CBLN2: variants seen among roughly 807,000 people sequenced by gnomAD.
The protein encoded by CBLN2 is cerebellin-2.
In CBLN2, 7 loss-of-function variants were observed where a neutral mutation model predicts 15.0. The observed-to-expected ratio is 0.47, with a 90% CI of 0.27 to 0.88. The LOEUF is 0.88. CBLN2 is among the 40% of genes least tolerant of loss of function. The probability of loss-of-function intolerance (pLI) is 0.14; values close to 1 mark genes in which losing one functional copy is unlikely to be tolerated. For synonymous variants in CBLN2, 149 were observed against 135.2 expected (o/e 1.10, Z -0.71); for missense variants, 242 against 304.5 (o/e 0.79, Z 1.53).
intron 1 of CBLN2, among the ~76,000 whole-genome samples, chr18:72,572,547 A>G (rs1328652145): frequency 6.6e-6 from 1 of 152,204 alleles, no homozygotes. Flanking sequence ...TGTCCATGGC[A>G]GTAATCAACA....
Position 72,542,147 on chromosome 18 carries a change from C to T in CBLN2, c.14G>A (p.Gly5Asp). Residue 5 changes from glycine (G) to aspartate (D), a missense_variant, in exon 3 of 5, where the codon GGC becomes GAC. Transcript: ENST00000269503. MQAP[G>D]RGPLGLRLMM... ...CAGCCGCAGCCCGAGTGGCCCCCGGCCGGGCGCCTGCATCGGGACTGGTGG... is the reference window on the plus strand; with the variant it reads ...CAGCCGCAGCCCGAGTGGCCCCCGGTCGGGCGCCTGCATCGGGACTGGTGG... 3.8e-6 allele frequency: 5 copies of T among 1,314,032 alleles called. No individual in the cohort carries two copies. The highest frequency in any genetic ancestry group is 4.8e-6 in the Non-Finnish European group (5 of 1,039,094). 81.4% of individuals were successfully genotyped at this position (1,314,032 alleles called of 1,614,324 possible). A position where few individuals can be genotyped will look rare whatever the true frequency, so the allele number is the denominator to read the frequency against.
At chr18:72,601,236 G>A (rs966069855) in intron 1 of CBLN2, among the ~76,000 whole-genome samples, 4 of 152,070 alleles carry the variant, frequency 2.6e-5, no homozygotes, top group South Asian at 4.2e-4. Flanking sequence ...CTTGACCTAC[G>A]CCCCGGATTG....
chr18:72,573,900 C>A (rs570402924), intron 1 of CBLN2, among the ~76,000 whole-genome samples: 1 of 152,172 alleles, frequency 6.6e-6, no homozygotes, highest in Non-Finnish European at 1.5e-5. Context: ...TCATTCCAAT[C>A]AGCAATAAAT....
intron 1 of CBLN2, among the ~76,000 whole-genome samples, chr18:72,594,292 A>G (rs946712355): frequency 1.3e-5 from 2 of 152,136 alleles, no homozygotes; most frequent in African/African-American, 4.8e-5. Context: ...AATAAAAAAA[A>G]TTGCATGTGT....
chr18:72,580,602 T>A (rs992819530), intron 1 of CBLN2, among the ~76,000 whole-genome samples: 1 of 152,192 alleles, frequency 6.6e-6, no homozygotes, highest in Non-Finnish European at 1.5e-5. Flanking sequence ...TATATATACA[T>A]TTTGCCTTTC....
At chr18:72,564,938 T>G (rs1323129636) in intron 1 of CBLN2, among the ~76,000 whole-genome samples, 1 of 152,170 alleles carries the variant, frequency 6.6e-6, no homozygotes, top group Non-Finnish European at 1.5e-5. Flanking sequence ...AGATTTTCAA[T>G]AGACTATCAG....
At chr18:72,569,582 G>A (rs977813990) in intron 1 of CBLN2, among the ~76,000 whole-genome samples, 1 of 152,114 alleles carries the variant, frequency 6.6e-6, no homozygotes, top group Non-Finnish European at 1.5e-5. Flanking sequence ...ATGTGGTGCC[G>A]GCATCTGATT....
At chr18:72,569,777 A>G (rs997709826) in intron 1 of CBLN2, among the ~76,000 whole-genome samples, 1 of 152,282 alleles carries the variant, frequency 6.6e-6, no homozygotes, top group Non-Finnish European at 1.5e-5. Context: ...GGCAATAAGC[A>G]GTTCATGAGG....
In CBLN2 at chr18:72,538,291, C is replaced by A; in HGVS notation, c.560G>T (p.Gly187Val). ...TTCCCTTTCCATGAGCAGCAGCACGCCATTGCTAGCAGCTTCTCTGGTGAC... is the reference window on the plus strand; with the variant it reads ...TTCCCTTTCCATGAGCAGCAGCACGACATTGCTAGCAGCTTCTCTGGTGAC... ...QDVTREAASN[G>V]VLLLMEREDK... The change falls in exon 5 of 5, where the codon GGC (glycine) becomes GTC (valine). Residue 187 changes from glycine to valine, a missense_variant. Gly to Val is a moderately radical substitution (Grantham distance 109). Coordinates refer to ENST00000269503, the MANE Select transcript of CBLN2 (RefSeq NM_182511.4). 1 of 1,614,156 alleles carries A rather than the reference C, an allele frequency of 6.2e-7. No homozygotes were observed. Among genetic ancestry groups the A allele is most frequent in the Non-Finnish European group, 8.5e-7 (1 of 1,180,036 alleles).
At position 72,537,738 on chromosome 18, in the gene CBLN2, G is replaced by T. The variant is rs187322565; in HGVS notation, c.*438C>A. On this transcript the variant is annotated 3_prime_UTR_variant, in exon 5 of 5. Coordinates refer to ENST00000269503, the MANE Select transcript of CBLN2 (RefSeq NM_182511.4). Reference sequence around the variant, plus strand: ...CAGACACACACAGAACACATGTCAAGGACTGTCCAGCAGGTGGTTCTTTGC... The same window carrying T: ...CAGACACACACAGAACACATGTCAATGACTGTCCAGCAGGTGGTTCTTTGC... The T allele has an allele frequency of 9.4e-4, 228 of 243,040 alleles. 2 individuals are homozygous for T. The highest frequency in any genetic ancestry group is 7.5e-4 in the Non-Finnish European group (93 of 123,420). 15.1% of individuals were successfully genotyped at this position (243,040 alleles called of 1,614,324 possible).
chr18:72,545,288 C>T (rs1214071217), upstream of CBLN2, among the ~76,000 whole-genome samples: 1 of 152,182 alleles, frequency 6.6e-6, no homozygotes, highest in Non-Finnish European at 1.5e-5. Flanking sequence ...CACACTGCTG[C>T]GTGAGACAAA....
rs1599010419 is a variant in CBLN2, at chr18:72,584,025, A to AGGG, written c.16-45254_16-45253insCCC. ...TATCATGACCTGGAGGGCCTGAAGG[A>AGGG]CCTGGCTCCTGCCTCTTTCCTCGCT... On this transcript the variant is annotated intron_variant, in intron 1 of 2. Transcript: ENST00000581073. Among the ~76,000 whole-genome samples, 3 of 152,302 alleles carry AGGG rather than the reference A, an allele frequency of 2.0e-5. No individual in the cohort carries two copies. In the East Asian group the frequency reaches 5.8e-4, roughly 29 times the overall value.
chr18:72,562,220 G>A (rs962486237), intron 1 of CBLN2, among the ~76,000 whole-genome samples: 8 of 152,150 alleles, frequency 5.3e-5, no homozygotes, highest in Non-Finnish European at 1.0e-4. Context: ...AGGAGCATGA[G>A]TAGCATTAGG....
rs770238391 is a variant in CBLN2, at chr18:72,542,076, C to T, written c.85G>A (p.Gly29Arg). 1.9e-6 allele frequency: 3 copies of T among 1,551,332 alleles called. No homozygotes were observed. The highest frequency in any genetic ancestry group is 3.7e-5 in the Admixed American group (2 of 54,718). Residue 29 changes from glycine (G) to arginine (R), a missense_variant, in exon 3 of 5, where the codon GGA (glycine) becomes AGA (arginine). By Grantham distance (125) the Gly-to-Arg change is moderately radical. This residue lies in a region of CBLN2 where 96 missense variants were observed against 83.8 expected (regional missense o/e 1.15). Transcript: ENST00000269503. ...GCCAGCGCCACCCCCAGGCAGGATCCGCAGCCGCCCGGCTCGCGCAGCGCC... is the reference window on the plus strand; with the variant it reads ...GCCAGCGCCACCCCCAGGCAGGATCTGCAGCCGCCCGGCTCGCGCAGCGCC... ...RGALREPGGC[G>R]SCLGVALALL...
rs137899122 is a variant in CBLN2, at chr18:72,607,678, C to CCTCTCTCTCTCTCTCT, written c.15+30631_15+30646dup. 2.0e-3 allele frequency among the ~76,000 whole-genome samples: 306 copies of CCTCTCTCTCTCTCTCT among 149,686 alleles called. 3 individuals carry two copies. The highest frequency in any genetic ancestry group is 6.6e-3 in the African/African-American group (267 of 40,462). On this transcript the variant is annotated intron_variant, in intron 1 of 2. Coordinates refer to the CBLN2 transcript ENST00000581073. ...AACATTTATAGGAGCTATGTAGATA[C>CCTCTCTCTCTCTCTCT]CTCTCTCTCTCTCTCTTTCTCTCTT...
chr18:72,556,186 G>T (rs888173186), intron 1 of CBLN2, among the ~76,000 whole-genome samples: 2 of 152,118 alleles, frequency 1.3e-5, no homozygotes, highest in Non-Finnish European at 2.9e-5. Context: ...GAACACACAT[G>T]TTACTTCACT....
chr18:72,557,002 T>C (rs941202340), intron 1 of CBLN2, among the ~76,000 whole-genome samples: 8 of 151,952 alleles, frequency 5.3e-5, no homozygotes, highest in Admixed American at 2.0e-4. Context: ...TAAGGAGTAA[T>C]TGAAGAAGAG....
At chr18:72,544,973 CTAATAA>C (rs3841257), upstream of CBLN2, among the ~76,000 whole-genome samples, 284 of 147,262 alleles carry the variant, frequency 1.9e-3, 2 homozygotes, top group South Asian at 7.4e-3. Flanking sequence ...TTCTGATAGG[CTAATAA>C]TAATAATAAT....
At chr18:72,590,091 C>A (rs1047562338) in intron 1 of CBLN2, among the ~76,000 whole-genome samples, 1 of 152,212 alleles carries the variant, frequency 6.6e-6, no homozygotes, top group Admixed American at 6.5e-5. Context: ...CACAGTGAAA[C>A]CCTGTCTCTA....
Sources: allele counts gnomAD v4.1 joint callset (sites outside exome capture counted in the v4.1 genomes callset), GRCh38; gene constraint gnomAD v4.1.1; regional missense constraint gnomAD v4.1.1; transcripts MANE v1.5; gene names NCBI Gene and HGNC (gene_info 2026-07-23, HGNC 2026-07-21).